CEP63: variants seen among roughly 807,000 people sequenced by gnomAD.
The protein encoded by CEP63 is centrosomal protein 63.
In CEP63, 84 loss-of-function variants were observed where a neutral mutation model predicts 89.1. The observed-to-expected ratio is 0.94, with a 90% CI of 0.79 to 1.13. The LOEUF (loss-of-function observed/expected upper bound fraction) is 1.13. CEP63 is among the 50% of genes most tolerant of loss of function. The pLI is 0.00. For synonymous variants in CEP63, 267 were observed against 272.5 expected, an observed-to-expected ratio of 0.98 and a Z score of 0.20; for missense variants, 838 against 813.3, an observed-to-expected ratio of 1.03 and a Z score of -0.37.
chr3:134,654,668 T>TTTGCTA, the CEP63 span, among the ~76,000 whole-genome samples: 3 of 152,234 alleles, frequency 2.0e-5, no homozygotes, highest in African/African-American at 7.2e-5. Context: ...CTTCTGAGCC[T>TTTGCTA]TTGCTATTGC....
At chr3:134,771,197 G>T in the CEP63 span, among the ~76,000 whole-genome samples, 1 of 152,200 alleles carries the variant, frequency 6.6e-6, no homozygotes, top group African/African-American at 2.4e-5. Context: ...AGTGAAGAGA[G>T]TCTTTTCTGT....
At chr3:134,639,738 G>C in the CEP63 span, 1 of 151,640 alleles carries the variant, frequency 6.6e-6, no homozygotes, top group African/African-American at 2.4e-5. Context: ...TTGAGCCCAG[G>C]GGTTTGAGAC....
the CEP63 span, among the ~76,000 whole-genome samples, chr3:134,700,459 C>G: frequency 6.6e-6 from 1 of 152,134 alleles, no homozygotes; most frequent in African/African-American, 2.4e-5. Context: ...GGTTCCTATC[C>G]CACCCCTCCT....
chr3:134,763,681 G>A, the CEP63 span, among the ~76,000 whole-genome samples: 1 of 152,144 alleles, frequency 6.6e-6, no homozygotes, highest in South Asian at 2.1e-4. Context: ...ATTCTTTCCA[G>A]GACCATAAAT....
chr3:134,490,504 A>T (rs1207103411), intron 1 of CEP63, among the ~76,000 whole-genome samples: 8 of 152,200 alleles, frequency 5.3e-5, no homozygotes, highest in Non-Finnish European at 1.2e-4. Context: ...ATTTAAAGGC[A>T]TATGAAGTAA....
At chr3:134,730,960 C>A in the CEP63 span, among the ~76,000 whole-genome samples, 1 of 151,934 alleles carries the variant, frequency 6.6e-6, no homozygotes, top group South Asian at 2.1e-4. Context: ...AGATATTTGC[C>A]AGGTAAAATA....
At chr3:134,674,232 G>C in the CEP63 span, among the ~76,000 whole-genome samples, 1 of 152,120 alleles carries the variant, frequency 6.6e-6, no homozygotes, top group Non-Finnish European at 1.5e-5. Context: ...CATATAAAAA[G>C]ATAATACATC....
the CEP63 span, chr3:134,610,369 T>C: frequency 9.9e-6 from 16 of 1,611,204 alleles, no homozygotes; most frequent in Non-Finnish European, 1.2e-5. Flanking sequence ...GGTCATACAC[T>C]GCACTCCGGC....
chr3:134,600,301 G>T, the CEP63 span, among the ~76,000 whole-genome samples: 1 of 152,210 alleles, frequency 6.6e-6, no homozygotes, highest in Non-Finnish European at 1.5e-5. Context: ...TCCTTTTCAA[G>T]TCCTTTGAGA....
At chr3:134,599,675 G>A in the CEP63 span, among the ~76,000 whole-genome samples, 2 of 152,142 alleles carry the variant, frequency 1.3e-5, no homozygotes, top group African/African-American at 4.8e-5. Flanking sequence ...TTCAATGAAA[G>A]AAACAGTGCC....
At chr3:134,502,644 C>T (rs1010841109) in intron 2 of CEP63, among the ~76,000 whole-genome samples, 17 of 151,980 alleles carry the variant, frequency 1.1e-4, no homozygotes, top group African/African-American at 3.9e-4. Context: ...ATCTTTTGTA[C>T]TTCTATGGGA....
chr3:134,488,003 G>A (rs9834755), intron 1 of CEP63: 101,986 of 151,986 alleles, frequency 0.67, 34,567 homozygotes, highest in East Asian at 0.82. Flanking sequence ...TGTTGCCTTT[G>A]TGTCCTCTAA....
At chr3:134,511,638 G>T (rs917025567) in intron 3 of CEP63, among the ~76,000 whole-genome samples, 1 of 152,186 alleles carries the variant, frequency 6.6e-6, no homozygotes, top group Non-Finnish European at 1.5e-5. Context: ...AGCATGGCTG[G>T]TGAGGCCTCA....
At chr3:134,614,990 T>C in the CEP63 span, among the ~76,000 whole-genome samples, 7 of 152,252 alleles carry the variant, frequency 4.6e-5, no homozygotes, top group African/African-American at 1.7e-4. Flanking sequence ...GGTATTTTGT[T>C]GAAAATACTG....
At chr3:134,649,830 G>A in the CEP63 span, among the ~76,000 whole-genome samples, 4 of 152,242 alleles carry the variant, frequency 2.6e-5, no homozygotes, top group African/African-American at 9.6e-5. Flanking sequence ...AATGAGCACA[G>A]AGGCTCTGGG....
intron 3 of CEP63, among the ~76,000 whole-genome samples, chr3:134,523,507 T>C (rs151248856): frequency 1.3e-5 from 2 of 152,164 alleles, no homozygotes; most frequent in East Asian, 3.9e-4. Flanking sequence ...TCTTCCAGAG[T>C]TTTTTATAGT....
chr3:134,539,776 CAT>C (rs1225501998), intron 6 of CEP63, among the ~76,000 whole-genome samples: 1 of 152,114 alleles, frequency 6.6e-6, no homozygotes, highest in Non-Finnish European at 1.5e-5. Context: ...CCTTCTTTGA[CAT>C]ATGTTTGCTT....
intron 6 of CEP63, among the ~76,000 whole-genome samples, chr3:134,544,957 C>T (rs547631052): frequency 1.5e-3 from 222 of 152,182 alleles, no homozygotes; most frequent in Middle Eastern, 3.4e-3. Flanking sequence ...ATGTGATCCT[C>T]CCATGCCACT....
At chr3:134,686,037 C>T in the CEP63 span, among the ~76,000 whole-genome samples, 1 of 152,226 alleles carries the variant, frequency 6.6e-6, no homozygotes, top group Non-Finnish European at 1.5e-5. Flanking sequence ...GGTCCAAGCC[C>T]TGGTCTGTCT....
Sources: gnomAD v4.1 joint callset for allele counts (sites outside exome capture counted in the v4.1 genomes callset) on GRCh38, gnomAD v4.1.1 for gene constraint, MANE v1.5 for transcripts, NCBI Gene and HGNC (gene_info 2026-07-23, HGNC 2026-07-21) for gene names.